PRRC2B: variants seen among roughly 807,000 people sequenced by gnomAD.
PRRC2B encodes the protein protein PRRC2B.
A neutral mutation model predicts 242.3 loss-of-function variants in PRRC2B; 68 were observed. The ratio of observed to expected loss-of-function variants is 0.28; its 90% CI spans 0.23 to 0.34. The LOEUF (loss-of-function observed/expected upper bound fraction) is 0.34. PRRC2B is among the 10% of genes least tolerant of loss of function. The probability of loss-of-function intolerance (pLI) is 1.00; values close to 1 mark genes in which losing one functional copy is unlikely to be tolerated. For missense variants in PRRC2B, 2,835 were observed against 2,954.8 expected (o/e 0.96, Z 0.94); for synonymous variants, 1,228 against 1,173.6 (o/e 1.05, Z -0.95).
At chr9:131,426,003 C>T (rs765578674) in intron 1 of PRRC2B, among the ~76,000 whole-genome samples, 3 of 147,040 alleles carry the variant, frequency 2.0e-5, no homozygotes, top group Admixed American at 6.8e-5. Context: ...AGTGAGACTC[C>T]GTCTCAACAA....
intron 1 of PRRC2B, among the ~76,000 whole-genome samples, chr9:131,412,484 G>GTGCA (rs898727285): frequency 4.0e-5 from 6 of 151,878 alleles, no homozygotes; most frequent in Non-Finnish European, 5.9e-5. Context: ...GCGTGCGTGC[G>GTGCA]TGCATGCACA....
intron 1 of PRRC2B, among the ~76,000 whole-genome samples, chr9:131,374,265 A>T (rs1450854192): frequency 6.6e-6 from 1 of 151,948 alleles, no homozygotes; most frequent in African/African-American, 2.4e-5. Context: ...TTAAAACTAA[A>T]CACACTGTGG....
chr9:131,456,799 C>T (rs560041159), intron 10 of PRRC2B, among the ~76,000 whole-genome samples: 1 of 152,156 alleles, frequency 6.6e-6, no homozygotes, highest in Non-Finnish European at 1.5e-5. Flanking sequence ...GAGTAAGGCC[C>T]TGTCTCAAAA....
At chr9:131,384,083 ATTTTTTTTTT>A (rs111724850) in intron 1 of PRRC2B, among the ~76,000 whole-genome samples, 2 of 58,988 alleles carry the variant, frequency 3.4e-5, no homozygotes, top group Non-Finnish European at 3.3e-5. Flanking sequence ...ATACCCGGCT[ATTTTTTTTTT>A]TTTTTTTTTT....
rs1943966980 is a variant in PRRC2B, at chr9:131,484,713, C to T, written c.5488C>T (p.Leu1830=). 1 of 1,612,578 alleles carries T rather than the reference C, an allele frequency of 6.2e-7. No homozygotes were observed. Among genetic ancestry groups the T allele is most frequent in the South Asian group, 1.1e-5 (1 of 90,874 alleles). Residue 1830 remains leucine (L), a synonymous_variant, in exon 24 of 32, where the codon CTG becomes TTG. Coordinates refer to ENST00000683519, the MANE Select transcript of PRRC2B (RefSeq NM_013318.4). ...AGGGTTAACACAGAGTATCCCCATC[C>T]TGCGGCGGGACCATCACATCCAGAG... ...NAGLTQSIPI[L]RRDHHIQRAI...
chr9:131,475,213 G>A lies in PRRC2B; in HGVS notation c.3084G>A (p.Lys1028=), dbSNP rs1236174344. The stretch of plus-strand genomic sequence containing the variant: ...TTGAAGAGGAGGAGAAACCTGACAA[G>A]GCCTGGGAAGCCAGACCCCCACGAG... ...TKFEEEEKPD[K]AWEARPPRES... Residue 1028 remains lysine, a synonymous_variant, in exon 16 of 32, where the codon AAG becomes AAA. Transcript: ENST00000683519. The A allele has an allele frequency of 6.2e-7, 1 of 1,613,634 alleles. No individual in the cohort carries two copies. Among genetic ancestry groups the A allele is most frequent in the Non-Finnish European group, 8.5e-7 (1 of 1,179,892 alleles).
Position 131,476,548 on chromosome 9 carries a change from A to G in PRRC2B, c.4406+13A>G. Reference sequence around the variant, plus strand: ...TGAAAGTGAAAAGGTAAAACCAGACACCATCTGGGCCCTTTTTGTTGTTGT... The same window carrying G: ...TGAAAGTGAAAAGGTAAAACCAGACGCCATCTGGGCCCTTTTTGTTGTTGT... On this transcript the variant is annotated intron_variant, in intron 16 of 31. Transcript: ENST00000683519. The G allele has an allele frequency of 1.9e-6, 3 of 1,562,820 alleles. No homozygotes were observed. In the African/African-American group the frequency reaches 4.1e-5, roughly 21 times the overall value.
At chr9:131,429,426 G>A (rs551023771) in intron 1 of PRRC2B, among the ~76,000 whole-genome samples, 6 of 152,220 alleles carry the variant, frequency 3.9e-5, no homozygotes, top group Non-Finnish European at 5.9e-5. Context: ...GGATGGCATA[G>A]CCCCCATGTG....
intron 5 of PRRC2B, among the ~76,000 whole-genome samples, chr9:131,443,529 G>A (rs1294921385): frequency 6.6e-6 from 1 of 151,768 alleles, no homozygotes; most frequent in Non-Finnish European, 1.5e-5. Flanking sequence ...CACCTCCCGG[G>A]CTCAAGTGAT....
chr9:131,485,269 A>T, intron 25 of PRRC2B, 129 bp downstream of exon 25: 1 of 760,898 alleles, frequency 1.3e-6, no homozygotes, highest in Non-Finnish European at 2.1e-6. Context: ...ACTTGTTTTT[A>T]GGCCCAGTGG....
intron 31 of PRRC2B, 60 bp from the exon 32 acceptor site, chr9:131,495,680 T>G (rs1944314191): frequency 1.3e-6 from 2 of 1,567,230 alleles, no homozygotes; most frequent in South Asian, 2.2e-5. Flanking sequence ...GTGGGAACTA[T>G]GTATCCAAAC....
At position 131,494,507 on chromosome 9, in the gene PRRC2B, C is replaced by G. The variant is rs994907457; in HGVS notation, c.6555+21C>G. 7.1e-7 allele frequency: 1 copy of G among 1,398,868 alleles called. No homozygotes were observed. The highest frequency in any genetic ancestry group is 1.0e-6 in the Non-Finnish European group (1 of 996,646). 86.7% of individuals were successfully genotyped at this position (1,398,868 alleles called of 1,614,324 possible). A position where few individuals can be genotyped will look rare whatever the true frequency, so the allele number is the denominator to read the frequency against. ...AACAGGTAGAAGATGGCTTTCCAGA[C>G]CCTTCAGCCCTGGACACTTAGGCCC... On this transcript the variant is annotated intron_variant, in intron 31 of 31. Coordinates refer to ENST00000683519, the MANE Select transcript of PRRC2B (RefSeq NM_013318.4). This position sits in a 1 kb window ranked among gnomAD's most constrained non-coding sequence, Gnocchi z 4.3.
In PRRC2B at chr9:131,429,628, C is replaced by T. The variant is rs536361254; in HGVS notation, c.-51-466C>T. On this transcript the variant is annotated intron_variant, in intron 1 of 31. Transcript: ENST00000683519. ...CTCCTTTGATTTGGTTTTGCTTGCCCTTGAGATGAACAGCCGTGGTGTAAG... is the reference window on the plus strand; with the variant it reads ...CTCCTTTGATTTGGTTTTGCTTGCCTTTGAGATGAACAGCCGTGGTGTAAG... Among the ~76,000 whole-genome samples the T allele has an allele frequency of 6.6e-5, 10 of 152,274 alleles. No homozygotes were observed. The Middle Eastern group carries it at 0.014, about 207-fold the overall frequency.
At chr9:131,495,504 T>TTCCTGCCTC (rs1944309203) in intron 31 of PRRC2B, among the ~76,000 whole-genome samples, 1 of 152,132 alleles carries the variant, frequency 6.6e-6, no homozygotes, top group South Asian at 2.1e-4. Flanking sequence ...ACCCGGTGTC[T>TTCCTGCCTC]TCCTGCCTCT....
chr9:131,481,014 AAAG>A (rs1428842197), intron 19 of PRRC2B, among the ~76,000 whole-genome samples: 8 of 152,092 alleles, frequency 5.3e-5, no homozygotes, highest in African/African-American at 1.9e-4. Flanking sequence ...TTTAAAAAAA[AAAG>A]AAGGCCAGGC....
At chr9:131,381,887 G>A (rs995862636) in intron 1 of PRRC2B, among the ~76,000 whole-genome samples, 1 of 151,184 alleles carries the variant, frequency 6.6e-6, no homozygotes, top group South Asian at 2.1e-4. Context: ...CTACGGGCAC[G>A]TACCACCATG....
At position 131,407,167 on chromosome 9, in the gene PRRC2B, G is replaced by A. The variant is rs141039710; in HGVS notation, c.-52+12904G>A. ...AAAGTTCAGCAGTGGCATAGACTGGGTTTAATTAACAAGTGCTGCTTCCAA... is the reference window on the plus strand; with the variant it reads ...AAAGTTCAGCAGTGGCATAGACTGGATTTAATTAACAAGTGCTGCTTCCAA... On this transcript the variant is annotated intron_variant, in intron 1 of 31. Transcript: ENST00000683519. Among the ~76,000 whole-genome samples the A allele has an allele frequency of 2.9e-3, 437 of 152,282 alleles. 2 individuals carry two copies. Among genetic ancestry groups the A allele is most frequent in the Middle Eastern group, 0.014 (4 of 294 alleles).
At chr9:131,419,890 T>C (rs1253492305) in intron 1 of PRRC2B, among the ~76,000 whole-genome samples, 1 of 151,354 alleles carries the variant, frequency 6.6e-6, no homozygotes, top group Non-Finnish European at 1.5e-5. Flanking sequence ...TGGGGGGTGA[T>C]GTGGAAGGTG....
In PRRC2B at chr9:131,467,600, A is replaced by G. The variant is rs1292589416; in HGVS notation, c.1758A>G (p.Thr586=). 1.2e-6 allele frequency: 2 copies of G among 1,612,712 alleles called. No homozygotes were observed. Among genetic ancestry groups the G allele is most frequent in the Non-Finnish European group, 1.7e-6 (2 of 1,179,354 alleles). Reference sequence around the variant, plus strand: ...TCCCTGCCCAAGAGACCCCCACCACATTCCCAGAAGAGGCACCCACAGTGT... The same window carrying G: ...TCCCTGCCCAAGAGACCCCCACCACGTTCCCAGAAGAGGCACCCACAGTGT... ...PEFPAQETPT[T]FPEEAPTVSP... is the part of the protein sequence containing the mutation. Residue 586 remains threonine (T), a synonymous_variant, in exon 13 of 32, where the codon ACA becomes ACG. Transcript: ENST00000683519.
Sources: allele counts gnomAD v4.1 joint callset (sites outside exome capture counted in the v4.1 genomes callset), GRCh38; gene constraint gnomAD v4.1.1; non-coding constraint Gnocchi (gnomAD v3.1); transcripts MANE v1.5; gene names NCBI Gene and HGNC (gene_info 2026-07-23, HGNC 2026-07-21).